RAP1GAP: variants seen among roughly 807,000 people sequenced by gnomAD.
RAP1GAP encodes rap1 GTPase-activating protein 1.
In RAP1GAP, 35 loss-of-function variants were observed where a neutral mutation model predicts 87.2. The ratio of observed to expected loss-of-function variants is 0.40; its 90% CI spans 0.31 to 0.53. RAP1GAP has a LOEUF of 0.53. Among genes scored for constraint, RAP1GAP ranks in the 20% least tolerant of loss-of-function variants. The probability of loss-of-function intolerance (pLI) is 0.48; values close to 1 mark genes in which losing one functional copy is unlikely to be tolerated. For synonymous variants in RAP1GAP, 375 were observed against 363.9 expected, an observed-to-expected ratio of 1.03 and a Z score of -0.35; for missense variants, 734 against 898.9, an observed-to-expected ratio of 0.82 and a Z score of 2.35.
intron 3 of RAP1GAP, 23 bp from the exon 4 acceptor site, chr1:21,620,073 C>A (rs367547016): frequency 2.5e-6 from 4 of 1,613,092 alleles, no homozygotes; most frequent in African/African-American, 1.3e-5. Context: ...CAGGGGAGAG[C>A]GAGGTCAGCT....
At chr1:21,644,615 C>A (rs902715021) in intron 2 of RAP1GAP, among the ~76,000 whole-genome samples, 3 of 152,098 alleles carry the variant, frequency 2.0e-5, no homozygotes, top group Non-Finnish European at 2.9e-5. Flanking sequence ...ATTCAGTGGA[C>A]CTGGCCGGGC....
chr1:21,626,918 C>T, intron 2 of RAP1GAP: 1 of 456,806 alleles, frequency 2.2e-6, no homozygotes, highest in Non-Finnish European at 4.4e-6. Flanking sequence ...ATGGCCTCCT[C>T]ACCACACTGG....
rs975531068 is a variant in RAP1GAP at position 21,668,763 on chromosome 1, G to A, written c.-149+491C>T. Among the ~76,000 whole-genome samples, 1 of 152,054 alleles carries A rather than the reference G, an allele frequency of 6.6e-6. No individual in the cohort carries two copies. Among genetic ancestry groups the A allele is most frequent in the Non-Finnish European group, 1.5e-5 (1 of 67,988 alleles). Reference sequence around the variant, plus strand: ...TCTCTGGGGATGCAAGGACATCACCGCCCTCCCCGCTCAGGGTCCTTGATC... The same window carrying A: ...TCTCTGGGGATGCAAGGACATCACCACCCTCCCCGCTCAGGGTCCTTGATC... On this transcript the variant is annotated intron_variant, in intron 1 of 24. Coordinates refer to ENST00000374765, the MANE Select transcript of RAP1GAP (RefSeq NM_002885.4). The surrounding 1 kb of genome is among the most constrained non-coding windows in gnomAD (Gnocchi z 6.2).
intron 2 of RAP1GAP, among the ~76,000 whole-genome samples, chr1:21,637,992 A>C (rs1297215424): frequency 2.7e-5 from 4 of 148,476 alleles, no homozygotes; most frequent in Admixed American, 2.0e-4. Context: ...AAAAAAAAAA[A>C]CCACAAAAAT....
chr1:21,629,465 G>A (rs1384045016), intron 2 of RAP1GAP, among the ~76,000 whole-genome samples: 1 of 152,192 alleles, frequency 6.6e-6, no homozygotes, highest in African/African-American at 2.4e-5. Flanking sequence ...GAAGGCCAGG[G>A]TGCTCTGGCT....
Position 21,668,166 on chromosome 1 carries a change from C to T in RAP1GAP, c.-149+1088G>A, listed in dbSNP as rs762465706. Among the ~76,000 whole-genome samples, 10 of 152,326 alleles carry T rather than the reference C, an allele frequency of 6.6e-5. No individual in the cohort carries two copies. The highest frequency in any genetic ancestry group is 1.2e-4 in the Non-Finnish European group (8 of 68,018). ...CACCCTCAGGAAGGAGGGACCACTA[C>T]CTGTGCAGGGGGGGCCAGGAGCCTC... On this transcript the variant is annotated intron_variant, in intron 1 of 24. Coordinates refer to ENST00000374765, the MANE Select transcript of RAP1GAP (RefSeq NM_002885.4). The surrounding 1 kb of genome is among the most constrained non-coding windows in gnomAD (Gnocchi z 6.2).
chr1:21,636,918 G>A (rs990062888), intron 2 of RAP1GAP, among the ~76,000 whole-genome samples: 3 of 88,452 alleles, frequency 3.4e-5, no homozygotes, highest in African/African-American at 5.5e-5. Flanking sequence ...GGAAGGAAGG[G>A]AGGGAGGGAG....
intron 23 of RAP1GAP, 49 bp downstream of exon 23, chr1:21,597,912 C>G: frequency 6.5e-7 from 1 of 1,531,746 alleles, no homozygotes; most frequent in South Asian, 1.2e-5. Flanking sequence ...CAGCTCATCC[C>G]CTCCCGGGTG....
chr1:21,613,536 C>T lies in RAP1GAP; in HGVS notation c.474+92G>A. ...GGCGGCAGGCCAGGGCTAGGGCCTA[C>T]AGCTGAAGGGGACGCGCCAAGGCAA... On this transcript the variant is annotated intron_variant, in intron 9 of 24. Coordinates refer to ENST00000374765, the MANE Select transcript of RAP1GAP (RefSeq NM_002885.4). The surrounding 1 kb of genome is among the most constrained non-coding windows in gnomAD (Gnocchi z 4.7). 2 of 1,233,058 alleles carry T rather than the reference C, an allele frequency of 1.6e-6. No homozygotes were observed. The highest frequency in any genetic ancestry group is 1.2e-6 in the Non-Finnish European group (1 of 837,678). The allele number at this position is 1,233,058 out of a possible 1,614,324, so 76.4% of individuals were successfully genotyped here.
In RAP1GAP at chr1:21,619,046, G is replaced by C; in HGVS notation, c.45C>G (p.Cys15Trp). ...MQGSRMDEQR[C>W]SFPPPLKTEE... is the part of the protein sequence containing the mutation. The stretch of plus-strand genomic sequence containing the variant: ...CTACTTTGAGGGGCGGCGGGAAGGA[G>C]CAGCGTTGTTCATCCATCCTGCTTC... The change falls in exon 5 of 25, where the codon TGC (cysteine) becomes TGG (tryptophan). Residue 15 changes from cysteine (C) to tryptophan (W), a missense_variant. This residue lies in a region of RAP1GAP where 485 missense variants were observed against 646.2 expected (regional missense o/e 0.75). Coordinates refer to ENST00000374765, the MANE Select transcript of RAP1GAP (RefSeq NM_002885.4). 1 of 1,602,692 alleles carries C rather than the reference G, an allele frequency of 6.2e-7. No individual in the cohort carries two copies. Among genetic ancestry groups the C allele is most frequent in the Non-Finnish European group, 8.5e-7 (1 of 1,174,002 alleles).
At chr1:21,614,213 A>T (rs533716333) in intron 7 of RAP1GAP, 124 bp from the exon 8 acceptor site, 10 of 640,890 alleles carry the variant, frequency 1.6e-5, no homozygotes, top group African/African-American at 1.4e-4. Context: ...GTCACGGCTG[A>T]TAGCAGACCC....
intron 23 of RAP1GAP, 42 bp downstream of exon 23, chr1:21,597,919 G>C (rs868455940): frequency 3.3e-6 from 5 of 1,536,060 alleles, no homozygotes; most frequent in Non-Finnish European, 4.4e-6. Flanking sequence ...TCCCCTCCCG[G>C]GTGGGGCTCC....
In RAP1GAP at chr1:21,613,319, A is replaced by G; in HGVS notation, c.475-90T>C. The G allele has an allele frequency of 8.1e-7, 1 of 1,235,312 alleles. No homozygotes were observed. Among genetic ancestry groups the G allele is most frequent in the Non-Finnish European group, 1.2e-6 (1 of 838,504 alleles). 76.5% of individuals were successfully genotyped at this position (1,235,312 alleles called of 1,614,324 possible). Reference sequence around the variant, plus strand: ...GGGCCTCCCTGGTCAAGGTCTGGGGAGGAGCCATGCTGGGAATGGCCAAGG... The same window carrying G: ...GGGCCTCCCTGGTCAAGGTCTGGGGGGGAGCCATGCTGGGAATGGCCAAGG... On this transcript the variant is annotated intron_variant, in intron 9 of 24. Transcript: ENST00000374765. The surrounding 1 kb of genome is among the most constrained non-coding windows in gnomAD (Gnocchi z 4.7).
In RAP1GAP at chr1:21,620,864, TCTCTCTCC is replaced by T. The variant is rs1289120344; in HGVS notation, c.-18-822_-18-815del. 2.0e-5 allele frequency among the ~76,000 whole-genome samples: 3 copies of T among 151,956 alleles called. No homozygotes were observed. In the East Asian group the frequency reaches 5.8e-4, roughly 29 times the overall value. ...AGGAAGCACGCACACTCTCTCTCTC[TCTCTCTCC>T]ATCTTTCTCCCTCCCCTCCTGCTCA... On this transcript the variant is annotated intron_variant, in intron 3 of 24. Coordinates refer to ENST00000374765, the MANE Select transcript of RAP1GAP (RefSeq NM_002885.4).
At chr1:21,651,749 C>T (rs1369254198) in intron 1 of RAP1GAP, 2 of 1,460,212 alleles carry the variant, frequency 1.4e-6, no homozygotes, top group South Asian at 1.3e-5. Context: ...CGCGCGCACG[C>T]GCCCCGCCCC....
intron 24 of RAP1GAP, 42 bp from the exon 25 acceptor site, chr1:21,597,306 T>C: frequency 9.7e-6 from 2 of 206,584 alleles, no homozygotes; most frequent in African/African-American, 2.3e-5. Flanking sequence ...AAACATGGCA[T>C]GGTGGGTGGC....
At position 21,668,308 on chromosome 1, in the gene RAP1GAP, G is replaced by C. The variant is rs1281073025; in HGVS notation, c.-149+946C>G. Among the ~76,000 whole-genome samples the C allele has an allele frequency of 6.6e-6, 1 of 152,096 alleles. No individual in the cohort carries two copies. The highest frequency in any genetic ancestry group is 2.4e-5 in the African/African-American group (1 of 41,416). On this transcript the variant is annotated intron_variant, in intron 1 of 24. Coordinates refer to ENST00000374765, the MANE Select transcript of RAP1GAP (RefSeq NM_002885.4). This position sits in a 1 kb window ranked among gnomAD's most constrained non-coding sequence, Gnocchi z 6.2. Reference sequence around the variant, plus strand: ...TCCTGCCTCAGTGCCCCTTCCCTCAGTGTCCTTCCTGCCTGCCGCCCCAGG... The same window carrying C: ...TCCTGCCTCAGTGCCCCTTCCCTCACTGTCCTTCCTGCCTGCCGCCCCAGG...
At chr1:21,660,936 C>T (rs2097132364) in intron 1 of RAP1GAP, among the ~76,000 whole-genome samples, 1 of 152,036 alleles carries the variant, frequency 6.6e-6, no homozygotes, top group African/African-American at 2.4e-5. Context: ...TGTAGTTGGG[C>T]TGAGCTGGGG....
chr1:21,665,449 C>A (rs1379750561), intron 1 of RAP1GAP: 1 of 288,518 alleles, frequency 3.5e-6, no homozygotes, highest in Non-Finnish European at 7.2e-6. Flanking sequence ...TCCCTGGGAT[C>A]CACTACATGC....
Sources: gnomAD v4.1 joint callset for allele counts (sites outside exome capture counted in the v4.1 genomes callset) on GRCh38, gnomAD v4.1.1 for gene constraint, gnomAD v4.1.1 regional missense constraint, Gnocchi (gnomAD v3.1) non-coding constraint, MANE v1.5 for transcripts, NCBI Gene and HGNC (gene_info 2026-07-23, HGNC 2026-07-21) for gene names.